The following PRCP variants were observed in gnomAD, a reference collection of about 807,000 sequenced individuals.
PRCP encodes lysosomal Pro-X carboxypeptidase.
Under a neutral mutation model 54.2 loss-of-function variants are expected in PRCP, and 46 were observed. The observed-to-expected ratio is 0.85, with a 90% CI of 0.67 to 1.09. PRCP has a LOEUF of 1.09. Among genes scored for constraint, PRCP ranks in the 50% least tolerant of loss-of-function variants. The probability of loss-of-function intolerance (pLI) is 0.00; values close to 1 mark genes in which losing one functional copy is unlikely to be tolerated. For synonymous variants in PRCP, 240 were observed against 212.2 expected (o/e 1.13, Z -1.14); for missense variants, 613 against 596.8 (o/e 1.03, Z -0.28).
At chr11:82,876,684 G>A (rs946243391) in intron 1 of PRCP, among the ~76,000 whole-genome samples, 8 of 152,118 alleles carry the variant, frequency 5.3e-5, no homozygotes, top group South Asian at 2.1e-4. Context: ...TGTAAGAAGC[G>A]CCTTTCACCT....
In PRCP at chr11:82,823,674, T is replaced by C. The variant is rs1591029467; in HGVS notation, c.*1232A>G. The C allele has an allele frequency of 6.6e-6, 1 of 152,300 alleles. No individual in the cohort carries two copies. The highest frequency in any genetic ancestry group is 2.1e-4 in the South Asian group (1 of 4,826). The allele number at this position is 152,300 out of a possible 1,614,324, so 9.4% of individuals were successfully genotyped here. A position where few individuals can be genotyped will look rare whatever the true frequency, so the allele number is the denominator to read the frequency against. ...GAAAAGAAACAAGGAGGAAGAAATC[T>C]TTCAACAGAGTAGAAACTGTTAGTC... On this transcript the variant is annotated 3_prime_UTR_variant, in exon 9 of 9. Transcript: ENST00000313010.
In PRCP at chr11:82,850,030, A is replaced by C. The variant is rs759733755; in HGVS notation, c.635T>G (p.Leu212Ter). The stretch of plus-strand genomic sequence containing the variant: ...CTTCATAAATACACCACAAGGTACT[A>C]AATCCTCAAACTGCCAGATAGGGGC... Reference protein sequence around the residue: ...ASAPIWQFEDLVPCGVFMKIV... With the variant: ...ASAPIWQFED Residue 212 changes from leucine to a stop codon, truncating the protein, a stop_gained, in exon 5 of 9, where the codon TTA (leucine) becomes TGA (stop). Coordinates refer to ENST00000313010, the MANE Select transcript of PRCP (RefSeq NM_005040.4). LOFTEE classifies it high-confidence loss of function. 1 of 1,478,192 alleles carries C rather than the reference A, an allele frequency of 6.8e-7. No homozygotes were observed. Among genetic ancestry groups the C allele is most frequent in the African/African-American group, 1.4e-5 (1 of 70,358 alleles). The allele number at this position is 1,478,192 out of a possible 1,614,324, so 91.6% of individuals were successfully genotyped here.
intron 8 of PRCP, chr11:82,826,706 G>T (rs145672942): frequency 3.3e-5 from 5 of 152,256 alleles, no homozygotes; most frequent in South Asian, 2.1e-4. Context: ...AGAGACTGAT[G>T]GTATTTAAAC....
chr11:82,894,199 T>C (rs951870614), intron 1 of PRCP, among the ~76,000 whole-genome samples: 4 of 152,228 alleles, frequency 2.6e-5, no homozygotes, highest in African/African-American at 9.6e-5. Flanking sequence ...TCTTCTGCAA[T>C]AGACCCACAA....
chr11:82,831,674 T>C (rs1334314589), intron 8 of PRCP, among the ~76,000 whole-genome samples: 1 of 152,010 alleles, frequency 6.6e-6, no homozygotes, highest in Non-Finnish European at 1.5e-5. Context: ...AGGAGAGGCC[T>C]GGAAACAAAG....
At chr11:82,869,808 T>C (rs1859436540) in intron 1 of PRCP, among the ~76,000 whole-genome samples, 1 of 152,184 alleles carries the variant, frequency 6.6e-6, no homozygotes, top group African/African-American at 2.4e-5. Context: ...GTTCCCAGCT[T>C]TGGAAGAGTT....
At position 82,850,074 on chromosome 11, in the gene PRCP, A is replaced by C; in HGVS notation, c.594-3T>G. 20 of 1,371,262 alleles carry C rather than the reference A, an allele frequency of 1.5e-5. No homozygotes were observed. Among genetic ancestry groups the C allele is most frequent in the Non-Finnish European group, 1.9e-5 (20 of 1,058,944 alleles). The allele number at this position is 1,371,262 out of a possible 1,614,324, so 84.9% of individuals were successfully genotyped here. A position where few individuals can be genotyped will look rare whatever the true frequency, so the allele number is the denominator to read the frequency against. On this transcript the variant is annotated splice_polypyrimidine_tract_variant and splice_region_variant and intron_variant, in intron 4 of 8. Coordinates refer to ENST00000313010, the MANE Select transcript of PRCP (RefSeq NM_005040.4). ...TAGGGGCAGAAGCTGCAAGAGCTCTAAATGGCAAGAAAATCAAAGAAAGAA... is the reference window on the plus strand; with the variant it reads ...TAGGGGCAGAAGCTGCAAGAGCTCTCAATGGCAAGAAAATCAAAGAAAGAA...
In PRCP at chr11:82,849,033, G is replaced by T. The variant is rs769568426; in HGVS notation, c.921+16C>A. Reference sequence around the variant, plus strand: ...GTGTGTTATTAAAAAATGATGACAGGACATTTTCCTATTACCTTGATAGGC... The same window carrying T: ...GTGTGTTATTAAAAAATGATGACAGTACATTTTCCTATTACCTTGATAGGC... On this transcript the variant is annotated intron_variant, in intron 6 of 8. Transcript: ENST00000313010. The T allele has an allele frequency of 6.2e-7, 1 of 1,605,600 alleles. No individual in the cohort carries two copies. Among genetic ancestry groups the T allele is most frequent in the South Asian group, 1.1e-5 (1 of 90,148 alleles).
chr11:82,892,121 A>ACTTAT (rs1239510248), intron 1 of PRCP, among the ~76,000 whole-genome samples: 6 of 152,242 alleles, frequency 3.9e-5, no homozygotes, highest in Non-Finnish European at 7.3e-5. Context: ...CAGAGACATC[A>ACTTAT]GTTTTGTTAC....
chr11:82,837,910 C>A (rs1038618647), intron 8 of PRCP, among the ~76,000 whole-genome samples: 3 of 152,166 alleles, frequency 2.0e-5, no homozygotes, highest in Non-Finnish European at 4.4e-5. Flanking sequence ...ACACAGTGAC[C>A]TTCAGTTTCC....
intron 1 of PRCP, among the ~76,000 whole-genome samples, chr11:82,873,657 A>G (rs969078275): frequency 2.0e-5 from 3 of 152,262 alleles, no homozygotes; most frequent in Non-Finnish European, 4.4e-5. Flanking sequence ...AAAAAGAAAA[A>G]GTACATACAA....
At chr11:82,900,921 A>C (rs1396465236), upstream of PRCP, 4 of 451,846 alleles carry the variant, frequency 8.9e-6, no homozygotes, top group Non-Finnish European at 1.8e-5. Context: ...GTGTATCACG[A>C]GGCAGGGAGG....
intron 1 of PRCP, among the ~76,000 whole-genome samples, chr11:82,893,166 T>C (rs564723826): frequency 3.9e-5 from 6 of 152,384 alleles, no homozygotes; most frequent in Admixed American, 2.6e-4. Flanking sequence ...AGATCTTCCA[T>C]GTTCTTTTTC....
chr11:82,870,230 C>T (rs1859446547), intron 1 of PRCP, among the ~76,000 whole-genome samples: 1 of 152,146 alleles, frequency 6.6e-6, no homozygotes, highest in Admixed American at 6.5e-5. Context: ...TTTGGTGAAT[C>T]CACATGTGCT....
At chr11:82,866,507 C>T (rs1859339343) in intron 1 of PRCP, among the ~76,000 whole-genome samples, 1 of 151,998 alleles carries the variant, frequency 6.6e-6, no homozygotes, top group Non-Finnish European at 1.5e-5. Context: ...TTTTTCCTAA[C>T]ATGCCCCTAA....
rs1031408162 is a variant in PRCP, at chr11:82,843,325, C to T, written c.922-3900G>A. 172 of 149,216 alleles carry T rather than the reference C, an allele frequency of 1.2e-3. 9 individuals carry two copies. The highest frequency in any genetic ancestry group is 1.2e-4 in the African/African-American group (5 of 40,614). The allele number at this position is 149,216 out of a possible 1,614,324, so 9.2% of individuals were successfully genotyped here. A position where few individuals can be genotyped will look rare whatever the true frequency, so the allele number is the denominator to read the frequency against. ...CATCTCTTAAAAAAAAAAAAAAAGA[C>T]GAGTAGTTTAAAAGGAGATATTCAC... On this transcript the variant is annotated intron_variant, in intron 6 of 8. Transcript: ENST00000313010.
intron 1 of PRCP, among the ~76,000 whole-genome samples, chr11:82,896,253 T>C (rs1314524147): frequency 6.6e-6 from 1 of 152,230 alleles, no homozygotes; most frequent in Admixed American, 6.5e-5. Context: ...TTATAGGCCA[T>C]GGTGCCCGGC....
intron 1 of PRCP, among the ~76,000 whole-genome samples, chr11:82,878,106 T>C (rs531921975): frequency 3.9e-4 from 60 of 152,322 alleles, no homozygotes; most frequent in African/African-American, 1.4e-3. Flanking sequence ...CGGACTTGCA[T>C]GGGGCCTGTA....
At chr11:82,867,159 G>A (rs1296167132) in intron 1 of PRCP, among the ~76,000 whole-genome samples, 1 of 152,178 alleles carries the variant, frequency 6.6e-6, no homozygotes, top group Non-Finnish European at 1.5e-5. Flanking sequence ...GAGAAAATAT[G>A]AGAAGCTATT....
Sources: allele counts gnomAD v4.1 joint callset (sites outside exome capture counted in the v4.1 genomes callset), GRCh38; gene constraint gnomAD v4.1.1; transcripts MANE v1.5; gene names NCBI Gene and HGNC (gene_info 2026-07-23, HGNC 2026-07-21).